TMEM67: variants seen among roughly 807,000 people sequenced by gnomAD.
TMEM67 encodes transmembrane protein 67.
A neutral mutation model predicts 136.6 loss-of-function variants in TMEM67; 124 were observed. The ratio of observed to expected loss-of-function variants is 0.91; its 90% CI spans 0.78 to 1.05. The LOEUF (loss-of-function observed/expected upper bound fraction) is 1.05, where lower values mean the gene tolerates loss of function less well. TMEM67 is among the 50% of genes least tolerant of loss of function. The probability of loss-of-function intolerance (pLI) is 0.00; values close to 1 mark genes in which losing one functional copy is unlikely to be tolerated. For synonymous variants in TMEM67, 364 were observed against 390.5 expected (o/e 0.93, Z 0.80); for missense variants, 1,107 against 1,178.4 (o/e 0.94, Z 0.89).
In TMEM67 at chr8:93,795,895, T is replaced by A. The variant is rs1190162087; in HGVS notation, c.1774-6T>A. The A allele has an allele frequency of 1.3e-6, 2 of 1,575,270 alleles. No individual in the cohort carries two copies. Among genetic ancestry groups the A allele is most frequent in the Non-Finnish European group, 1.7e-6 (2 of 1,147,410 alleles). The stretch of plus-strand genomic sequence containing the variant: ...ATAATATTTAATCAAGTAATTTTTA[T>A]TATAGGCACAGAAGTCTGTGTCTGT... On this transcript the variant is annotated splice_region_variant and splice_polypyrimidine_tract_variant and intron_variant, in intron 17 of 27. Coordinates refer to ENST00000453321, the MANE Select transcript of TMEM67 (RefSeq NM_153704.6).
chr8:93,790,702 C>A (rs1814336906), intron 14 of TMEM67, among the ~76,000 whole-genome samples: 1 of 152,166 alleles, frequency 6.6e-6, no homozygotes, highest in Admixed American at 6.5e-5. Flanking sequence ...GCTTTCTTTA[C>A]CTTGACATTT....
chr8:93,772,996 C>T (rs1813391273), intron 7 of TMEM67, among the ~76,000 whole-genome samples: 1 of 152,060 alleles, frequency 6.6e-6, no homozygotes, highest in African/African-American at 2.4e-5. Flanking sequence ...CATGGAGTTA[C>T]AGCCTAAGTA....
intron 6 of TMEM67, among the ~76,000 whole-genome samples, chr8:93,769,918 T>C (rs1813258154): frequency 6.6e-6 from 1 of 152,162 alleles, no homozygotes; most frequent in Non-Finnish European, 1.5e-5. Context: ...GAGAACAAAA[T>C]TGGTACATAA....
intron 16 of TMEM67, 182 bp from the exon 17 acceptor site, chr8:93,795,205 CAGGAACGGCCAGAAAGGTAAGG>C (rs1814552846): frequency 3.3e-6 from 2 of 605,668 alleles, no homozygotes. Flanking sequence ...AAGAGGCTAC[CAGGAACGGCCAGAAAGGTAAGG>C]AGCCAAAAGG....
downstream of TMEM67, among the ~76,000 whole-genome samples, chr8:93,822,777 T>C (rs1809059266): frequency 6.6e-6 from 1 of 152,196 alleles, no homozygotes; most frequent in South Asian, 2.1e-4. Context: ...TGATATACTT[T>C]CATCCATCTC....
chr8:93,830,020 A>C, the TMEM67 span, among the ~76,000 whole-genome samples: 1 of 152,182 alleles, frequency 6.6e-6, no homozygotes, highest in Non-Finnish European at 1.5e-5. Context: ...CCTGCCCTAT[A>C]ACCTGGAGGA....
In TMEM67 at chr8:93,763,910, T is replaced by C. The variant is rs775716868; in HGVS notation, c.475T>C (p.Ser159Pro). 3.7e-6 allele frequency: 6 copies of C among 1,613,694 alleles called. No homozygotes were observed. The East Asian group carries it at 8.9e-5, about 24-fold the overall frequency. The change falls in exon 4 of 28, where the codon TCT becomes CCT. Residue 159 changes from serine to proline, a missense_variant. Physicochemically the swap from Ser to Pro is moderately conservative, Grantham distance 74. Coordinates refer to ENST00000453321, the MANE Select transcript of TMEM67 (RefSeq NM_153704.6). ...TGAGCTCTGTGATGGAAATGAAAACTCTTTTATGGTAGTAAATGCTTTAGG... is the reference window on the plus strand; with the variant it reads ...TGAGCTCTGTGATGGAAATGAAAACCCTTTTATGGTAGTAAATGCTTTAGG... ...TCELCDGNENSFMVVNALGDR... is the reference protein window; with the variant it reads ...TCELCDGNENPFMVVNALGDR...
chr8:93,768,088 A>G (rs1813159800), intron 6 of TMEM67, among the ~76,000 whole-genome samples: 1 of 149,672 alleles, frequency 6.7e-6, no homozygotes, highest in Non-Finnish European at 1.5e-5. Context: ...CTGGTCTCGA[A>G]CTCCCCACCT....
At chr8:93,771,929 C>A (rs536980386) in intron 6 of TMEM67, among the ~76,000 whole-genome samples, 1 of 152,174 alleles carries the variant, frequency 6.6e-6, no homozygotes, top group East Asian at 1.9e-4. Context: ...ATATCACTTA[C>A]GTGTGTGCCC....
intron 12 of TMEM67, chr8:93,785,700 T>C (rs1814064940): frequency 4.3e-6 from 1 of 234,448 alleles, no homozygotes; most frequent in South Asian, 8.7e-5. Context: ...TTTCTTTTGT[T>C]GTTATTCATG....
At chr8:93,783,498 C>A (rs1222111313) in intron 11 of TMEM67, among the ~76,000 whole-genome samples, 1 of 152,154 alleles carries the variant, frequency 6.6e-6, no homozygotes, top group South Asian at 2.1e-4. Flanking sequence ...CCATTCTTTT[C>A]TTTCTCCTTC....
intron 26 of TMEM67, among the ~76,000 whole-genome samples, chr8:93,814,119 G>C (rs1054209425): frequency 6.8e-6 from 1 of 147,286 alleles, no homozygotes; most frequent in African/African-American, 2.5e-5. Flanking sequence ...TTGTTTGCAA[G>C]AGTTGTATAT....
intron 11 of TMEM67, among the ~76,000 whole-genome samples, chr8:93,784,906 A>G (rs1195951815): frequency 1.3e-5 from 2 of 152,164 alleles, no homozygotes; most frequent in Non-Finnish European, 2.9e-5. Flanking sequence ...TCACTGATGT[A>G]CCCTTAATAT....
In TMEM67 at chr8:93,785,247, TA is replaced by T. The variant is rs1814039643; in HGVS notation, c.1159del (p.Ile387LeufsTer30). The T allele has an allele frequency of 6.3e-7, 1 of 1,592,024 alleles. No individual in the cohort carries two copies. Among genetic ancestry groups the T allele is most frequent in the African/African-American group, 1.3e-5 (1 of 74,532 alleles). ...TGTGAGATTCCTATCTCTAAGATCT[TA>T]ATTGACTTTCCCACTCCTATATTTT... ...QNCEIPISKI[L>X]IDFPTPIFYD... is the part of the protein sequence containing the mutation. On this transcript the variant is annotated frameshift_variant, in exon 12 of 28. Coordinates refer to ENST00000453321, the MANE Select transcript of TMEM67 (RefSeq NM_153704.6). LOFTEE classifies it high-confidence loss of function.
intron 21 of TMEM67, among the ~76,000 whole-genome samples, chr8:93,802,815 AT>A (rs1464844709): frequency 6.6e-6 from 1 of 151,806 alleles, no homozygotes; most frequent in Non-Finnish European, 1.5e-5. Context: ...GTGTAGATTC[AT>A]TTATCTATTC....
downstream of TMEM67, among the ~76,000 whole-genome samples, chr8:93,823,547 G>T (rs985578639): frequency 5.3e-5 from 8 of 152,126 alleles, no homozygotes; most frequent in East Asian, 1.2e-3. Context: ...CCTGTGAAAG[G>T]GATACTTTAA....
At chr8:93,762,340 CT>C (rs1177022994) in intron 3 of TMEM67, among the ~76,000 whole-genome samples, 3,923 of 142,268 alleles carry the variant, frequency 0.028, 82 homozygotes, top group African/African-American at 0.061. Context: ...TTATCTTTAC[CT>C]TTTTTTTTTT....
In TMEM67 at chr8:93,780,633, T is replaced by A. The variant is rs202149403; in HGVS notation, c.755T>A (p.Met252Lys). 6.2e-7 allele frequency: 1 copy of A among 1,614,074 alleles called. No individual in the cohort carries two copies. Among genetic ancestry groups the A allele is most frequent in the Non-Finnish European group, 8.5e-7 (1 of 1,180,050 alleles). Residue 252 changes from methionine (M) to lysine (K), a missense_variant, in exon 8 of 28, where the codon ATG (methionine) becomes AAG (lysine). Met to Lys is a moderately conservative substitution (Grantham distance 95, BLOSUM62 -1). Transcript: ENST00000453321. ...ACATCTTGTCAAGCTCTTGGAAATA[T>A]GTGTGTGATGAACATGAATTCTTAC... is the stretch of plus-strand genomic sequence containing the variant. ...NLTSCQALGN[M>K]CVMNMNSYDF...
intron 26 of TMEM67, among the ~76,000 whole-genome samples, chr8:93,811,795 C>G (rs1391664033): frequency 1.3e-5 from 2 of 151,988 alleles, no homozygotes; most frequent in Non-Finnish European, 2.9e-5. Context: ...GCCGAGATCG[C>G]ACCACTGCAC....
Sources: allele counts gnomAD v4.1 joint callset (sites outside exome capture counted in the v4.1 genomes callset), GRCh38; gene constraint gnomAD v4.1.1; transcripts MANE v1.5; gene names NCBI Gene and HGNC (gene_info 2026-07-23, HGNC 2026-07-21).